The following HARBI1 variants were observed in gnomAD, a reference collection of about 807,000 sequenced individuals.
HARBI1 encodes putative nuclease HARBI1.
In HARBI1, 15 loss-of-function variants were observed where a neutral mutation model predicts 25.3. The ratio of observed to expected loss-of-function variants is 0.59; its 90% CI spans 0.40 to 0.91. The LOEUF is 0.91. Ranked by LOEUF, HARBI1 falls within the 40% of genes least tolerant of loss-of-function variation. The pLI, the probability that HARBI1 is intolerant of heterozygous loss-of-function variation, is 0.00. For synonymous variants in HARBI1, 168 were observed against 160.5 expected (o/e 1.05, Z -0.35); for missense variants, 396 against 445.8 (o/e 0.89, Z 1.01).
intron 2 of HARBI1, among the ~76,000 whole-genome samples, chr11:46,610,595 G>T (rs1272981232): frequency 6.6e-6 from 1 of 151,990 alleles, no homozygotes; most frequent in Non-Finnish European, 1.5e-5. Context: ...GGGAGGCGGA[G>T]CTTGCAGTGA....
At chr11:46,609,279 C>T (rs1263254181) in intron 2 of HARBI1, among the ~76,000 whole-genome samples, 1 of 151,772 alleles carries the variant, frequency 6.6e-6, no homozygotes, top group Non-Finnish European at 1.5e-5. Context: ...CCAGGCTTGT[C>T]TTGAACCTCT....
chr11:46,606,701 G>A (rs1332800379), intron 2 of HARBI1, among the ~76,000 whole-genome samples: 1 of 152,060 alleles, frequency 6.6e-6, no homozygotes, highest in Non-Finnish European at 1.5e-5. Context: ...GAAGTGCAGT[G>A]GTATGATCAT....
chr11:46,612,748 G>C (rs1316386039), intron 2 of HARBI1, among the ~76,000 whole-genome samples: 2 of 149,176 alleles, frequency 1.3e-5, no homozygotes, highest in Non-Finnish European at 3.0e-5. Flanking sequence ...TCGACTCACT[G>C]CAACCTCTGC....
At chr11:46,605,587 CTTTTT>C (rs11333482) in intron 2 of HARBI1, among the ~76,000 whole-genome samples, 1 of 90,214 alleles carries the variant, frequency 1.1e-5, no homozygotes, top group Non-Finnish European at 2.2e-5. Flanking sequence ...CAGGTATAAC[CTTTTT>C]TTTTTTTTTT....
At chr11:46,611,300 C>T (rs1389798433) in intron 2 of HARBI1, among the ~76,000 whole-genome samples, 1 of 152,110 alleles carries the variant, frequency 6.6e-6, no homozygotes, top group Non-Finnish European at 1.5e-5. Context: ...AGCCACCGTG[C>T]CCGGCTATTA....
intron 2 of HARBI1, among the ~76,000 whole-genome samples, chr11:46,614,134 T>C (rs1218407881): frequency 1.3e-5 from 2 of 150,930 alleles, no homozygotes; most frequent in Non-Finnish European, 3.0e-5. Flanking sequence ...TATTAATATA[T>C]ATATATATAT....
chr11:46,616,073 C>T lies in HARBI1; in HGVS notation c.165G>A (p.Ala55=), dbSNP rs1255756355. 4 of 1,614,070 alleles carry T rather than the reference C, an allele frequency of 2.5e-6. No homozygotes were observed. The highest frequency in any genetic ancestry group is 2.2e-5 in the East Asian group (1 of 44,900). The change falls in exon 2 of 3, where the codon GCG becomes GCA. Residue 55 remains alanine (A), a synonymous_variant. Coordinates refer to ENST00000326737, the MANE Select transcript of HARBI1 (RefSeq NM_173811.4). The part of the protein sequence containing the change: ...FIYYLVELLG[A]NLSRPTQRSR... ...ATCGCTGAGTAGGCCTAGAAAGATT[C>T]GCCCCCAAGAGCTCCACCAAGTAAT...
intron 2 of HARBI1, 37 bp downstream of exon 2, chr11:46,615,531 C>G: frequency 6.3e-7 from 1 of 1,588,862 alleles, no homozygotes; most frequent in South Asian, 1.1e-5. Flanking sequence ...TTTTCTATGC[C>G]TCCAAACAAA....
intron 2 of HARBI1, among the ~76,000 whole-genome samples, chr11:46,613,772 C>A (rs1030069595): frequency 1.3e-5 from 2 of 151,980 alleles, no homozygotes; most frequent in Admixed American, 1.3e-4. Context: ...CGTGAGCTAC[C>A]GCACCCAGCA....
intron 2 of HARBI1, chr11:46,604,399 C>G (rs1379366380): frequency 2.2e-6 from 2 of 896,574 alleles, no homozygotes; most frequent in African/African-American, 3.6e-5. Flanking sequence ...GCGCGAAACT[C>G]CATCTCAAAT....
chr11:46,609,353 C>CTT (rs1353121589), intron 2 of HARBI1, among the ~76,000 whole-genome samples: 10 of 145,894 alleles, frequency 6.9e-5, no homozygotes, highest in African/African-American at 2.5e-4. Context: ...AGCCACTTTT[C>CTT]TTTTTTTTTT....
intron 1 of HARBI1, chr11:46,616,831 C>CAA (rs749013239): frequency 0.03 from 17,297 of 575,158 alleles, 14 homozygotes; most frequent in East Asian, 0.034. Flanking sequence ...AAAGAAGGGG[C>CAA]AAAAAAAAAA....
chr11:46,604,202 T>A (rs572695850), intron 2 of HARBI1: 1 of 985,360 alleles, frequency 1.0e-6, no homozygotes, highest in Admixed American at 6.1e-5. Context: ...GTGAAGGCAC[T>A]GGAGGAAATA....
chr11:46,603,692 A>G lies in HARBI1; in HGVS notation c.888T>C (p.Cys296=). The change falls in exon 3 of 3, where the codon TGT becomes TGC. Residue 296 remains cysteine, a synonymous_variant. Coordinates refer to ENST00000326737, the MANE Select transcript of HARBI1 (RefSeq NM_173811.4). ...GCTCCAGGGAGATGTTGTGGAGGAC[A>G]CAACAGGCCAAGATGATATGGCTGG... ...EKSSHIILAC[C]VLHNISLEHG... The G allele has an allele frequency of 1.2e-6, 2 of 1,614,194 alleles. No homozygotes were observed. Among genetic ancestry groups the G allele is most frequent in the Non-Finnish European group, 1.7e-6 (2 of 1,180,036 alleles).
chr11:46,616,130 C>T lies in HARBI1; in HGVS notation c.108G>A (p.Met36Ile), dbSNP rs1317055073. 1 of 1,614,084 alleles carries T rather than the reference C, an allele frequency of 6.2e-7. No individual in the cohort carries two copies. Among genetic ancestry groups the T allele is most frequent in the Non-Finnish European group, 8.5e-7 (1 of 1,180,044 alleles). The change falls in exon 2 of 3, where the codon ATG becomes ATA. Residue 36 changes from methionine (M) to isoleucine (I), a missense_variant. Transcript: ENST00000326737. ...ACTGCCGTGGAAACCCATACATGGA[C>T]ATCAAGTATTCATCAGTCACATCAT... Reference protein sequence around the residue: ...KLDDVTDEYLMSMYGFPRQFI... With the variant: ...KLDDVTDEYLISMYGFPRQFI...
At chr11:46,606,998 CTCACACCTG>C (rs1321627746) in intron 2 of HARBI1, among the ~76,000 whole-genome samples, 3 of 152,166 alleles carry the variant, frequency 2.0e-5, no homozygotes, top group Non-Finnish European at 4.4e-5. Context: ...GGCACGGTGG[CTCACACCTG>C]TAATCCCAGC....
Position 46,615,747 on chromosome 11 carries a change from G to A in HARBI1, c.491C>T (p.Ser164Phe), listed in dbSNP as rs2045373855. The stretch of plus-strand genomic sequence containing the variant: ...ATGCAGGCCTTTTCGGTTCACATAG[G>A]AGAGGTCTTCAGCATTTGGTGCCTT... ...AIKAPNAEDL[S>F]YVNRKGLHSL... Residue 164 changes from serine (S) to phenylalanine (F), a missense_variant, in exon 2 of 3, where the codon TCC (serine) becomes TTC (phenylalanine). Ser to Phe is a radical substitution (Grantham distance 155). Transcript: ENST00000326737. The A allele has an allele frequency of 1.1e-5, 17 of 1,614,162 alleles. No homozygotes were observed. Among genetic ancestry groups the A allele is most frequent in the Middle Eastern group, 1.6e-4 (1 of 6,062 alleles).
At chr11:46,604,530 C>T (rs1434703578) in intron 2 of HARBI1, 1 of 984,476 alleles carries the variant, frequency 1.0e-6, no homozygotes, top group Admixed American at 6.2e-5. Flanking sequence ...AAGAATGAAA[C>T]AGGAAAAAAG....
In HARBI1 at chr11:46,603,725, T is replaced by C. The variant is rs1424521111; in HGVS notation, c.855A>G (p.Pro285=). The change falls in exon 3 of 3, where the codon CCA becomes CCG. Residue 285 remains proline, a synonymous_variant. Coordinates refer to ENST00000326737, the MANE Select transcript of HARBI1 (RefSeq NM_173811.4). ...DGSKGALQYS[P]EKSSHIILAC... ...CCAAGATGATATGGCTGGATTTCTC[T>C]GGTGAGTACTGCAGTGCCCCCTTGG... The C allele has an allele frequency of 1.2e-6, 2 of 1,614,064 alleles. No homozygotes were observed. Among genetic ancestry groups the C allele is most frequent in the South Asian group, 1.1e-5 (1 of 91,094 alleles).
Sources: allele counts gnomAD v4.1 joint callset (sites outside exome capture counted in the v4.1 genomes callset), GRCh38; gene constraint gnomAD v4.1.1; transcripts MANE v1.5; gene names NCBI Gene and HGNC (gene_info 2026-07-23, HGNC 2026-07-21).